ABCC5: variants seen among roughly 807,000 people sequenced by gnomAD.
The protein encoded by ABCC5 is ATP binding cassette subfamily C member 5.
ABCC5 carries 61 observed loss-of-function variants against 160.9 expected under a neutral mutation model. The observed-to-expected ratio is 0.38, with a 90% CI of 0.31 to 0.47. The LOEUF (loss-of-function observed/expected upper bound fraction) is 0.47. Ranked by LOEUF, ABCC5 falls within the 20% of genes least tolerant of loss-of-function variation. The probability of loss-of-function intolerance (pLI) is 0.99; values close to 1 mark genes in which losing one functional copy is unlikely to be tolerated. For synonymous variants in ABCC5, 666 were observed against 700.6 expected (o/e 0.95, Z 0.78); for missense variants, 1,308 against 1,813.3 (o/e 0.72, Z 5.06).
intron 14 of ABCC5, 55 bp downstream of exon 14, chr3:183,965,130 C>A: frequency 6.3e-7 from 1 of 1,584,526 alleles, no homozygotes; most frequent in South Asian, 1.1e-5. Flanking sequence ...AGGAGCAGCT[C>A]TGGCCCAGCT....
At chr3:183,969,863 A>G (rs1321246910) in intron 11 of ABCC5, among the ~76,000 whole-genome samples, 1 of 152,072 alleles carries the variant, frequency 6.6e-6, no homozygotes, top group African/African-American at 2.4e-5. Context: ...GGATTGGCTT[A>G]CCATGCCTCT....
At chr3:183,984,035 A>C in intron 5 of ABCC5, 1 of 985,422 alleles carries the variant, frequency 1.0e-6, no homozygotes. Flanking sequence ...TGAGGTTGCA[A>C]TGATTCTGCA....
intron 12 of ABCC5, 131 bp downstream of exon 12, chr3:183,967,564 G>T: frequency 1.3e-6 from 1 of 791,932 alleles, no homozygotes; most frequent in Admixed American, 1.8e-5. Flanking sequence ...CGGGGGATTG[G>T]GGGCATACAA....
rs149920653 is a variant in ABCC5 at position 183,951,579 on chromosome 3, C to T, written c.2815-9G>A. The T allele has an allele frequency of 1.9e-6, 3 of 1,613,448 alleles. No individual in the cohort carries two copies. Among genetic ancestry groups the T allele is most frequent in the Non-Finnish European group, 2.5e-6 (3 of 1,179,806 alleles). ...GAAGCTCGCAGCGTGCCCTGAGGAG[C>T]AGAGCACAGAGTGGTCAGGGCCCAG... On this transcript the variant is annotated splice_polypyrimidine_tract_variant and intron_variant, in intron 19 of 29. Coordinates refer to ENST00000334444, the MANE Select transcript of ABCC5 (RefSeq NM_005688.4). This position sits in a 1 kb window ranked among gnomAD's most constrained non-coding sequence, Gnocchi z 4.7.
At chr3:183,961,974 G>T (rs1716786711) in intron 15 of ABCC5, among the ~76,000 whole-genome samples, 1 of 152,108 alleles carries the variant, frequency 6.6e-6, no homozygotes, top group South Asian at 2.1e-4. Flanking sequence ...TAGAGACGGG[G>T]TTTTGCCGTA....
chr3:183,998,888 G>A (rs1720506855), intron 2 of ABCC5, among the ~76,000 whole-genome samples: 2 of 151,976 alleles, frequency 1.3e-5, no homozygotes, highest in South Asian at 2.1e-4. Context: ...TCAAGAGTTC[G>A]AGACCAGCCT....
rs751199641 is a variant in ABCC5 at position 183,967,792 on chromosome 3, GT to G, written c.1762-27del. On this transcript the variant is annotated intron_variant, in intron 11 of 29. Coordinates refer to ENST00000334444, the MANE Select transcript of ABCC5 (RefSeq NM_005688.4). ...CTGGACAAGGCACACAGAGAGGAGGGTCATTTAGAGACTACTAACCACTCAT... is the reference window on the plus strand; with the variant it reads ...CTGGACAAGGCACACAGAGAGGAGGGCATTTAGAGACTACTAACCACTCAT... 4.5e-6 allele frequency: 7 copies of G among 1,563,636 alleles called. No homozygotes were observed. The Admixed American group carries it at 1.0e-4, about 22-fold the overall frequency.
intron 17 of ABCC5, among the ~76,000 whole-genome samples, chr3:183,955,470 A>T (rs1164526246): frequency 6.6e-6 from 1 of 152,226 alleles, no homozygotes; most frequent in Non-Finnish European, 1.5e-5. Flanking sequence ...TTCAGGTTCC[A>T]TTGGGTACCC....
intron 2 of ABCC5, chr3:184,009,957 T>C: frequency 4.6e-6 from 2 of 434,678 alleles, no homozygotes; most frequent in South Asian, 3.3e-5. Flanking sequence ...AACAACAGCC[T>C]GGCCAACAGT....
rs761536356 is a variant in ABCC5, at chr3:183,942,799, G to C, written c.3622C>G (p.Leu1208Val). 6.2e-7 allele frequency: 1 copy of C among 1,614,160 alleles called. No homozygotes were observed. The highest frequency in any genetic ancestry group is 1.7e-5 in the Admixed American group (1 of 60,016). ...GTGAAGGATACTTTCTTTAGGACGAGAGGGAGGTTTTCTCGGTACCTCATC... is the reference window on the plus strand; with the variant it reads ...GTGAAGGATACTTTCTTTAGGACGACAGGGAGGTTTTCTCGGTACCTCATC... Reference protein sequence around the residue: ...AEMRYRENLPLVLKKVSFTIK... With the variant: ...AEMRYRENLPVVLKKVSFTIK... Residue 1208 changes from leucine (L) to valine (V), a missense_variant, in exon 25 of 30, where the codon CTC becomes GTC. By Grantham distance (32) the Leu-to-Val change is conservative (BLOSUM62 1). Transcript: ENST00000334444.
chr3:183,943,501 T>C (rs1316648573), intron 24 of ABCC5, among the ~76,000 whole-genome samples: 1 of 152,228 alleles, frequency 6.6e-6, no homozygotes, highest in East Asian at 1.9e-4. Flanking sequence ...CTGGATTAGA[T>C]GATCTTGAGA....
rs537554271 is a variant in ABCC5 at position 183,956,552 on chromosome 3, G to T, written c.2482+3181C>A. 8.2e-5 allele frequency among the ~76,000 whole-genome samples: 12 copies of T among 146,808 alleles called. 1 individual carries two copies. The East Asian group carries it at 2.2e-3, about 27-fold the overall frequency. On this transcript the variant is annotated intron_variant, in intron 17 of 29. Transcript: ENST00000334444. ...TGCAGATCAGTGTGTATATCACATCGGTTACATGCAGATCAGTGTGTATAT... is the reference window on the plus strand; with the variant it reads ...TGCAGATCAGTGTGTATATCACATCTGTTACATGCAGATCAGTGTGTATAT...
chr3:183,950,825 G>A (rs114163374), intron 20 of ABCC5, among the ~76,000 whole-genome samples: 1 of 152,274 alleles, frequency 6.6e-6, no homozygotes, highest in African/African-American at 2.4e-5. Context: ...TTCCATGAAG[G>A]CAGCTACAGT....
intron 2 of ABCC5, among the ~76,000 whole-genome samples, chr3:184,006,012 C>G (rs545930208): frequency 3.3e-5 from 5 of 151,976 alleles, no homozygotes; most frequent in African/African-American, 1.2e-4. Flanking sequence ...CCTTAAGCAG[C>G]ACTTCCTAGG....
chr3:183,955,841 T>G (rs1478773201), intron 17 of ABCC5, among the ~76,000 whole-genome samples: 3 of 143,714 alleles, frequency 2.1e-5, no homozygotes, highest in African/African-American at 7.6e-5. Context: ...CGTGTGTATA[T>G]CACATCGGTT....
At chr3:183,957,495 CGT>C (rs1296092714) in intron 17 of ABCC5, among the ~76,000 whole-genome samples, 3 of 146,954 alleles carry the variant, frequency 2.0e-5, no homozygotes, top group Admixed American at 6.8e-5. Context: ...CATGCGGATC[CGT>C]GTGTAAATCA....
chr3:184,005,893 A>G (rs2108909755), intron 2 of ABCC5, among the ~76,000 whole-genome samples: 1 of 139,870 alleles, frequency 7.1e-6, no homozygotes, highest in East Asian at 2.2e-4. Flanking sequence ...TTAACCAAAT[A>G]AAGATTTAGG....
At chr3:183,945,517 C>T (rs1484525808) in intron 24 of ABCC5, among the ~76,000 whole-genome samples, 1 of 152,126 alleles carries the variant, frequency 6.6e-6, no homozygotes, top group East Asian at 1.9e-4. Context: ...TGATTAAGAA[C>T]AATTGGACAT....
At chr3:183,967,433 G>A in intron 12 of ABCC5, 2 of 433,248 alleles carry the variant, frequency 4.6e-6, no homozygotes, top group East Asian at 9.6e-5. Context: ...GATACATGCT[G>A]AATGAAAGAA....
Sources: gnomAD v4.1 joint callset for allele counts (sites outside exome capture counted in the v4.1 genomes callset) on GRCh38, gnomAD v4.1.1 for gene constraint, Gnocchi (gnomAD v3.1) non-coding constraint, MANE v1.5 for transcripts, NCBI Gene and HGNC (gene_info 2026-07-23, HGNC 2026-07-21) for gene names.